PRELID2: variants seen among roughly 807,000 people sequenced by gnomAD.
PRELID2 encodes the protein PRELI domain-containing protein 2.
A neutral mutation model predicts 28.4 loss-of-function variants in PRELID2; 25 were observed. The ratio of observed to expected loss-of-function variants is 0.88; its 90% CI spans 0.64 to 1.23. The LOEUF (loss-of-function observed/expected upper bound fraction) is 1.23, where lower values mean the gene tolerates loss of function less well. PRELID2 is among the 50% of genes most tolerant of loss of function. The pLI is 0.00. For missense variants in PRELID2, 201 were observed against 214.4 expected, an observed-to-expected ratio of 0.94 and a Z score of 0.39; for synonymous variants, 76 against 71.6, an observed-to-expected ratio of 1.06 and a Z score of -0.31.
chr5:145,253,285 T>C, the PRELID2 span, among the ~76,000 whole-genome samples: 2 of 152,146 alleles, frequency 1.3e-5, no homozygotes, highest in Non-Finnish European at 2.9e-5. Context: ...GGTGCTACCA[T>C]AGAGTGGAAG....
chr5:145,475,862 T>C (rs1388238519), intron 1 of PRELID2, among the ~76,000 whole-genome samples: 1 of 152,200 alleles, frequency 6.6e-6, no homozygotes, highest in Non-Finnish European at 1.5e-5. Flanking sequence ...ATAATATTTA[T>C]AAAATATTTT....
chr5:145,614,864 T>C (rs752577630), intron 1 of PRELID2, among the ~76,000 whole-genome samples: 3 of 152,184 alleles, frequency 2.0e-5, no homozygotes, highest in East Asian at 1.9e-4. Flanking sequence ...TCCAATACTA[T>C]GTTGAAGAGG....
At chr5:145,393,199 A>C in the PRELID2 span, among the ~76,000 whole-genome samples, 1 of 152,212 alleles carries the variant, frequency 6.6e-6, no homozygotes, top group Non-Finnish European at 1.5e-5. Context: ...AAGTGAGAAT[A>C]AGATGGAGCA....
chr5:145,324,220 CTG>C, the PRELID2 span, among the ~76,000 whole-genome samples: 1 of 152,176 alleles, frequency 6.6e-6, no homozygotes, highest in Non-Finnish European at 1.5e-5. Flanking sequence ...ACTGTGGACA[CTG>C]TGGATGTCAT....
At chr5:145,657,998 C>G (rs954556239) in intron 1 of PRELID2, among the ~76,000 whole-genome samples, 1 of 152,130 alleles carries the variant, frequency 6.6e-6, no homozygotes, top group Non-Finnish European at 1.5e-5. Context: ...TCATAGATGT[C>G]ATATAACTTA....
intron 4 of PRELID2, among the ~76,000 whole-genome samples, chr5:145,812,391 C>G (rs559402581): frequency 3.3e-5 from 5 of 152,222 alleles, no homozygotes; most frequent in Non-Finnish European, 7.3e-5. Flanking sequence ...CACTGCCAAC[C>G]GCTCAGATTC....
At chr5:145,445,132 A>G in the PRELID2 span, among the ~76,000 whole-genome samples, 1 of 152,084 alleles carries the variant, frequency 6.6e-6, no homozygotes, top group Admixed American at 6.6e-5. Context: ...TTCAAAATGT[A>G]CTACAAATTT....
chr5:145,346,638 A>G, the PRELID2 span, among the ~76,000 whole-genome samples: 1 of 152,254 alleles, frequency 6.6e-6, no homozygotes, highest in African/African-American at 2.4e-5. Flanking sequence ...ATCTTTTCCT[A>G]GAGCCCAGCT....
chr5:145,600,420 GAA>G (rs35455268), intron 1 of PRELID2, among the ~76,000 whole-genome samples: 6,204 of 124,094 alleles, frequency 0.05, 213 homozygotes, highest in Non-Finnish European at 0.071. Flanking sequence ...CTCAGGGGGG[GAA>G]AAAAAAAAAA....
At chr5:145,739,129 A>C (rs1435398426) in intron 1 of PRELID2, among the ~76,000 whole-genome samples, 1 of 152,148 alleles carries the variant, frequency 6.6e-6, no homozygotes, top group Non-Finnish European at 1.5e-5. Context: ...ATGATGAAAA[A>C]CTGAAAAAAT....
chr5:145,659,496 G>A (rs548091320), intron 1 of PRELID2, among the ~76,000 whole-genome samples: 1 of 152,230 alleles, frequency 6.6e-6, no homozygotes, highest in Non-Finnish European at 1.5e-5. Context: ...AAGCAGACAT[G>A]GACCTAGCAG....
intron 1 of PRELID2, among the ~76,000 whole-genome samples, chr5:145,718,691 G>A (rs1000710609): frequency 6.6e-6 from 1 of 152,050 alleles, no homozygotes; most frequent in Non-Finnish European, 1.5e-5. Flanking sequence ...CAACGGAACA[G>A]AATAAATAGC....
chr5:145,239,983 G>C, the PRELID2 span, among the ~76,000 whole-genome samples: 1 of 151,990 alleles, frequency 6.6e-6, no homozygotes, highest in Non-Finnish European at 1.5e-5. Context: ...GTTGAATGCT[G>C]TTTTCTCAGA....
intron 1 of PRELID2, chr5:145,834,629 C>T (rs1755813038): frequency 6.6e-6 from 1 of 152,198 alleles, no homozygotes; most frequent in African/African-American, 2.4e-5. Context: ...CTGTGCTAAG[C>T]ACTTTACACA....
intron 1 of PRELID2, among the ~76,000 whole-genome samples, chr5:145,655,320 C>G (rs530546407): frequency 2.4e-4 from 37 of 152,250 alleles, no homozygotes; most frequent in African/African-American, 8.9e-4. Context: ...AATGGCCGTA[C>G]TGCCCAAGGT....
At chr5:145,319,198 T>C in the PRELID2 span, among the ~76,000 whole-genome samples, 2 of 152,098 alleles carry the variant, frequency 1.3e-5, no homozygotes, top group South Asian at 2.1e-4. Context: ...TTTCCAGGCT[T>C]GAGGGTGGGG....
chr5:145,628,776 CAAG>C (rs1027239834), intron 1 of PRELID2, among the ~76,000 whole-genome samples: 7 of 152,046 alleles, frequency 4.6e-5, no homozygotes, highest in African/African-American at 1.7e-4. Context: ...AAATCAAAGA[CAAG>C]AGAACCATGA....
chr5:145,499,578 G>C (rs1752339812), intron 1 of PRELID2, among the ~76,000 whole-genome samples: 1 of 152,210 alleles, frequency 6.6e-6, no homozygotes, highest in South Asian at 2.1e-4. Flanking sequence ...ATCTATGCCA[G>C]AGAAGCCGAA....
chr5:145,652,981 T>G (rs929481895), intron 1 of PRELID2, among the ~76,000 whole-genome samples: 20 of 152,086 alleles, frequency 1.3e-4, no homozygotes, highest in Non-Finnish European at 2.6e-4. Context: ...TCAAGACCCA[T>G]CAGTGTGCTG....
Sources: allele counts gnomAD v4.1 joint callset (sites outside exome capture counted in the v4.1 genomes callset), GRCh38; gene constraint gnomAD v4.1.1; transcripts MANE v1.5; gene names NCBI Gene and HGNC (gene_info 2026-07-23, HGNC 2026-07-21).